The following CPEB3 variants were observed in gnomAD, a reference collection of about 807,000 sequenced individuals.
The protein encoded by CPEB3 is cytoplasmic polyadenylation element binding protein 3, also known as cytoplasmic polyadenylation element-binding protein 3.
Under a neutral mutation model 67.2 loss-of-function variants are expected in CPEB3, and 20 were observed. That is an observed-to-expected ratio of 0.30 (90% CI 0.21 to 0.43). The LOEUF is 0.43. CPEB3 is among the 20% of genes least tolerant of loss of function. The pLI, the probability that CPEB3 is intolerant of heterozygous loss-of-function variation, is 1.00. For synonymous variants in CPEB3, 376 were observed against 393.1 expected (o/e 0.96, Z 0.51); for missense variants, 746 against 968.6 (o/e 0.77, Z 3.05).
chr10:92,106,017 C>T (rs1483493395), intron 7 of CPEB3, among the ~76,000 whole-genome samples: 1 of 151,986 alleles, frequency 6.6e-6, no homozygotes, highest in African/African-American at 2.4e-5. Context: ...CTCAACATCC[C>T]GAGTAGCTGG....
At chr10:92,179,231 T>C (rs1848360226) in intron 4 of CPEB3, among the ~76,000 whole-genome samples, 1 of 151,996 alleles carries the variant, frequency 6.6e-6, no homozygotes, top group Non-Finnish European at 1.5e-5. Flanking sequence ...ATGAACAAAA[T>C]GGAAAGAGCA....
At chr10:92,207,514 A>C (rs972961498) in intron 2 of CPEB3, among the ~76,000 whole-genome samples, 2 of 152,208 alleles carry the variant, frequency 1.3e-5, no homozygotes, top group African/African-American at 4.8e-5. Flanking sequence ...ATGGGATAAT[A>C]ATCGTATTTA....
At chr10:92,083,320 C>A (rs751027716) in intron 8 of CPEB3, among the ~76,000 whole-genome samples, 1 of 152,220 alleles carries the variant, frequency 6.6e-6, no homozygotes, top group Non-Finnish European at 1.5e-5. Context: ...GTCAGAATTA[C>A]TAAGCCATAT....
intron 1 of CPEB3, among the ~76,000 whole-genome samples, chr10:92,284,313 A>G (rs1195428913): frequency 1.3e-5 from 2 of 151,516 alleles, no homozygotes; most frequent in Non-Finnish European, 2.9e-5. Flanking sequence ...CTGGGATTAC[A>G]TGCATGAGCC....
intron 4 of CPEB3, among the ~76,000 whole-genome samples, chr10:92,156,670 T>C (rs1847225185): frequency 6.6e-6 from 1 of 152,196 alleles, no homozygotes; most frequent in South Asian, 2.1e-4. Flanking sequence ...ACAAAATATG[T>C]CTTAATAACA....
intron 7 of CPEB3, among the ~76,000 whole-genome samples, chr10:92,108,998 G>A (rs766398510): frequency 1.1e-4 from 17 of 152,126 alleles, no homozygotes; most frequent in African/African-American, 2.7e-4. Flanking sequence ...CCAGTGACAC[G>A]ATTCTTCCAA....
intron 8 of CPEB3, among the ~76,000 whole-genome samples, chr10:92,083,373 C>G (rs1345757040): frequency 6.6e-6 from 1 of 152,216 alleles, no homozygotes; most frequent in Non-Finnish European, 1.5e-5. Context: ...TTGATGCTGA[C>G]TGCAGTCTTG....
intron 1 of CPEB3, among the ~76,000 whole-genome samples, chr10:92,272,651 C>G (rs1853357853): frequency 6.6e-6 from 1 of 152,164 alleles, no homozygotes. Flanking sequence ...GTACTAGGCA[C>G]TGGGGATACA....
chr10:92,074,640 C>T (rs1842872186), intron 9 of CPEB3, among the ~76,000 whole-genome samples: 1 of 151,894 alleles, frequency 6.6e-6, no homozygotes, highest in African/African-American at 2.4e-5. Flanking sequence ...GTGGCTGGCT[C>T]AAGATAAGGA....
chr10:92,245,329 G>C (rs1365295849), intron 1 of CPEB3, among the ~76,000 whole-genome samples: 1 of 151,808 alleles, frequency 6.6e-6, no homozygotes, highest in Non-Finnish European at 1.5e-5. Flanking sequence ...GTAGAGACAA[G>C]GTTTCACAAC....
chr10:92,192,396 A>C, intron 3 of CPEB3, 81 bp downstream of exon 3: 2 of 1,367,412 alleles, frequency 1.5e-6, no homozygotes, highest in Non-Finnish European at 2.0e-6. Context: ...ACAAAAAACA[A>C]ACCAGAAAAA....
chr10:92,085,248 T>C (rs919119155), intron 8 of CPEB3, among the ~76,000 whole-genome samples: 9 of 152,172 alleles, frequency 5.9e-5, no homozygotes, highest in African/African-American at 1.9e-4. Context: ...CTACTTTTTA[T>C]TTTCTTTCCC....
intron 1 of CPEB3, among the ~76,000 whole-genome samples, chr10:92,280,359 AAAAAAAAAAGAG>A (rs1477494247): frequency 2.0e-4 from 30 of 149,702 alleles, no homozygotes; most frequent in African/African-American, 7.3e-4. Context: ...AAAAAAAAAA[AAAAAAAAAAGAG>A]AGAGAGAGAG....
At chr10:92,120,210 G>C (rs1334786533) in intron 6 of CPEB3, among the ~76,000 whole-genome samples, 1 of 151,338 alleles carries the variant, frequency 6.6e-6, no homozygotes, top group Admixed American at 6.6e-5. Context: ...AGGAGATTGA[G>C]ACCATCCTGG....
intron 6 of CPEB3, chr10:92,137,542 C>A (rs1846162293): frequency 2.5e-6 from 2 of 787,250 alleles, no homozygotes; most frequent in Middle Eastern, 3.6e-4. Flanking sequence ...CATAAGGGAC[C>A]CCATTTGGAT....
At chr10:92,289,228 C>A (rs1041968786) in intron 1 of CPEB3, among the ~76,000 whole-genome samples, 2 of 151,962 alleles carry the variant, frequency 1.3e-5, no homozygotes, top group Admixed American at 1.3e-4. Flanking sequence ...AGCAACACAG[C>A]GAGACTCCGT....
chr10:92,073,104 C>T (rs930002179), intron 9 of CPEB3, among the ~76,000 whole-genome samples: 1 of 126,736 alleles, frequency 7.9e-6, no homozygotes, highest in Non-Finnish European at 1.6e-5. Context: ...CAGGTACAAT[C>T]GTAGCTCACT....
intron 2 of CPEB3, among the ~76,000 whole-genome samples, chr10:92,226,849 G>A (rs1187752628): frequency 6.6e-6 from 1 of 151,834 alleles, no homozygotes; most frequent in Non-Finnish European, 1.5e-5. Context: ...GGGCCTGTGG[G>A]GGTGGGGGCC....
At chr10:92,131,819 T>C (rs1845855537) in intron 6 of CPEB3, among the ~76,000 whole-genome samples, 1 of 152,160 alleles carries the variant, frequency 6.6e-6, no homozygotes, top group Admixed American at 6.5e-5. Context: ...ATATAATTCC[T>C]TAAAGATGTA....
Sources: gnomAD v4.1 joint callset for allele counts (sites outside exome capture counted in the v4.1 genomes callset) on GRCh38, gnomAD v4.1.1 for gene constraint, MANE v1.5 for transcripts, NCBI Gene and HGNC (gene_info 2026-07-23, HGNC 2026-07-21) for gene names.